NAA16: variants seen among roughly 807,000 people sequenced by gnomAD.
NAA16 encodes N-alpha-acetyltransferase 16, NatA auxiliary subunit.
NAA16 carries 97 observed loss-of-function variants against 110.3 expected under a neutral mutation model. The observed-to-expected ratio is 0.88, with a 90% confidence interval of 0.75 to 1.04. The LOEUF (loss-of-function observed/expected upper bound fraction) is 1.04, where lower values mean the gene tolerates loss of function less well. Ranked by LOEUF, NAA16 falls within the 50% of genes least tolerant of loss-of-function variation. The pLI, the probability that NAA16 is intolerant of heterozygous loss-of-function variation, is 0.00. For synonymous variants in NAA16, 372 were observed against 330.6 expected (o/e 1.13, Z -1.36); for missense variants, 1,017 against 1,005.1 (o/e 1.01, Z -0.16).
chr13:41,373,259 G>T (rs2043357882), intron 17 of NAA16: 2 of 756,914 alleles, frequency 2.6e-6, no homozygotes, highest in Non-Finnish European at 3.2e-6. Context: ...TTGTTGTTGT[G>T]TTTTTTGTTT....
At chr13:41,316,443 A>T (rs886601552) in intron 1 of NAA16, among the ~76,000 whole-genome samples, 1 of 151,212 alleles carries the variant, frequency 6.6e-6, no homozygotes, top group Admixed American at 6.6e-5. Context: ...AGTAGCTGGG[A>T]TTACAGGCAC....
rs2043229536 is a variant in NAA16 at position 41,367,482 on chromosome 13, A to G, written c.1583A>G (p.Tyr528Cys). ...ITDDQFDFHT[Y>C]CMRKMTLRAY... ...GATGACCAATTCGACTTCCATACAT[A>G]CTGCATGAGAAAGATGACCCTTCGT... Residue 528 changes from tyrosine to cysteine, a missense_variant, in exon 14 of 20, where the codon TAC becomes TGC. Physicochemically the swap from Tyr to Cys is radical, Grantham distance 194. Transcript: ENST00000379406. The G allele has an allele frequency of 1.9e-6, 3 of 1,612,860 alleles. No individual in the cohort carries two copies. Among genetic ancestry groups the G allele is most frequent in the Non-Finnish European group, 1.7e-6 (2 of 1,179,376 alleles).
chr13:41,335,801 C>T (rs982285774), intron 8 of NAA16, among the ~76,000 whole-genome samples: 1 of 150,694 alleles, frequency 6.6e-6, no homozygotes, highest in African/African-American at 2.4e-5. Flanking sequence ...CATTAAGAAA[C>T]CATAGGAGGT....
chr13:41,367,367 A>C, intron 13 of NAA16, 72 bp from the exon 14 acceptor site: 2 of 1,106,554 alleles, frequency 1.8e-6, no homozygotes, highest in Non-Finnish European at 2.6e-6. Context: ...GGCTTTTTAC[A>C]ATTTTTTTTT....
intron 9 of NAA16, among the ~76,000 whole-genome samples, chr13:41,341,260 A>C (rs1290554333): frequency 6.6e-6 from 1 of 152,186 alleles, no homozygotes; most frequent in Non-Finnish European, 1.5e-5. Context: ...TGCTTTACTG[A>C]AATAGTATCA....
At chr13:41,313,997 C>T (rs1442375232) in intron 1 of NAA16, among the ~76,000 whole-genome samples, 1 of 151,978 alleles carries the variant, frequency 6.6e-6, no homozygotes, top group Non-Finnish European at 1.5e-5. Flanking sequence ...GCTGAGATTA[C>T]AGGTTGACTT....
chr13:41,331,674 T>C (rs1223080374), intron 8 of NAA16, among the ~76,000 whole-genome samples: 1 of 151,486 alleles, frequency 6.6e-6, no homozygotes, highest in African/African-American at 2.4e-5. Context: ...TGAAGAGAGG[T>C]TGGTTAATGG....
intron 18 of NAA16, chr13:41,374,026 ATG>A (rs895741990): frequency 5.4e-6 from 2 of 372,686 alleles, no homozygotes; most frequent in African/African-American, 4.3e-5. Context: ...TTTATAATAA[ATG>A]TGCGGGATTG....
intron 9 of NAA16, among the ~76,000 whole-genome samples, chr13:41,341,467 A>G (rs1337591271): frequency 1.3e-5 from 2 of 152,206 alleles, no homozygotes; most frequent in Non-Finnish European, 2.9e-5. Flanking sequence ...CCTGTAATCC[A>G]GCACTTTGGG....
At chr13:41,368,961 G>T (rs753701794) in intron 14 of NAA16, 129 bp from the exon 15 acceptor site, 2 of 640,690 alleles carry the variant, frequency 3.1e-6, no homozygotes, top group Admixed American at 3.1e-5. Flanking sequence ...TGGACTTTGT[G>T]GGGGTGGGGG....
At position 41,311,422 on chromosome 13, in the gene NAA16, C is replaced by T; in HGVS notation, c.-107C>T. On this transcript the variant is annotated 5_prime_UTR_variant, in exon 1 of 20. Transcript: ENST00000379406. ...TAGACCAATGAACTAATCCATCGCC[C>T]GCAGCCCGACTCTCAGCAGCGGTTC... The T allele has an allele frequency of 2.7e-6, 3 of 1,099,846 alleles. No homozygotes were observed. Among genetic ancestry groups the T allele is most frequent in the Non-Finnish European group, 2.7e-6 (2 of 751,780 alleles). The allele number at this position is 1,099,846 out of a possible 1,614,324, so 68.1% of individuals were successfully genotyped here.
At chr13:41,341,957 G>A (rs1415932435) in intron 9 of NAA16, among the ~76,000 whole-genome samples, 4 of 150,040 alleles carry the variant, frequency 2.7e-5, no homozygotes, top group Non-Finnish European at 4.4e-5. Flanking sequence ...TCAGCCTCCC[G>A]AGTAGCTGGG....
Position 41,316,923 on chromosome 13 carries a change from A to C in NAA16, c.132A>C (p.Glu44Asp). ...KMILSNPKFAEHGETLAMKGL... is the reference protein window; with the variant it reads ...KMILSNPKFADHGETLAMKGL... Reference sequence around the variant, plus strand: ...TTCTGTCGAACCCAAAATTTGCTGAACATGGAGGTATTGTCTCATGTGAGA... The same window carrying C: ...TTCTGTCGAACCCAAAATTTGCTGACCATGGAGGTATTGTCTCATGTGAGA... Residue 44 changes from glutamate (E) to aspartate (D), a missense_variant, in exon 2 of 20, where the codon GAA becomes GAC. Glu to Asp is a conservative substitution (Grantham distance 45, BLOSUM62 2). Transcript: ENST00000379406. The C allele has an allele frequency of 6.2e-7, 1 of 1,610,616 alleles. No individual in the cohort carries two copies. Among genetic ancestry groups the C allele is most frequent in the Non-Finnish European group, 8.5e-7 (1 of 1,176,920 alleles).
chr13:41,358,429 C>G lies in NAA16; in HGVS notation c.1213C>G (p.Pro405Ala). The G allele has an allele frequency of 6.2e-7, 1 of 1,613,256 alleles. No individual in the cohort carries two copies. Residue 405 changes from proline to alanine, a missense_variant, in exon 11 of 20, where the codon CCA becomes GCA. By Grantham distance (27) the Pro-to-Ala change is conservative. Transcript: ENST00000379406. ...DYINAAIAST[P>A]TLIELFYMKA... ...TATTAATGCTGCAATTGCTAGTACT[C>G]CAACTCTAATAGAATTATTCTATAT...
intron 1 of NAA16, among the ~76,000 whole-genome samples, chr13:41,313,068 A>C (rs1320528296): frequency 1.3e-5 from 2 of 152,136 alleles, no homozygotes; most frequent in Non-Finnish European, 2.9e-5. Context: ...ATTTGGCATC[A>C]TACTTTAAAG....
chr13:41,370,273 G>T (rs2043289574), intron 15 of NAA16, among the ~76,000 whole-genome samples: 1 of 152,154 alleles, frequency 6.6e-6, no homozygotes, highest in South Asian at 2.1e-4. Context: ...TGGCAGAGAA[G>T]TTCCAGATGC....
At chr13:41,314,953 C>T (rs1375281420) in intron 1 of NAA16, among the ~76,000 whole-genome samples, 2 of 152,134 alleles carry the variant, frequency 1.3e-5, no homozygotes, top group Non-Finnish European at 2.9e-5. Flanking sequence ...GTGATTGTGT[C>T]ACTGCACACC....
chr13:41,319,611 G>A (rs1211354319), intron 3 of NAA16, among the ~76,000 whole-genome samples: 2 of 152,054 alleles, frequency 1.3e-5, no homozygotes, highest in South Asian at 4.2e-4. Flanking sequence ...CCACCTCTTG[G>A]GTTTAAGCGA....
intron 1 of NAA16, among the ~76,000 whole-genome samples, chr13:41,314,693 T>C (rs2041761386): frequency 6.6e-6 from 1 of 152,172 alleles, no homozygotes; most frequent in Non-Finnish European, 1.5e-5. Context: ...AATGCAGCAG[T>C]ATGTAAAATA....
Sources: gnomAD v4.1 joint callset for allele counts (sites outside exome capture counted in the v4.1 genomes callset) on GRCh38, gnomAD v4.1.1 for gene constraint, MANE v1.5 for transcripts, NCBI Gene and HGNC (gene_info 2026-07-23, HGNC 2026-07-21) for gene names.